TENM2: variants seen among roughly 807,000 people sequenced by gnomAD.
The protein encoded by TENM2 is teneurin transmembrane protein 2, also known as teneurin-2.
TENM2 carries 52 observed loss-of-function variants against 245.2 expected under a neutral mutation model. The ratio of observed to expected loss-of-function variants is 0.21; its 90% CI spans 0.17 to 0.27. The LOEUF (loss-of-function observed/expected upper bound fraction) is 0.27, where lower values mean the gene tolerates loss of function less well. Ranked by LOEUF, TENM2 falls within the 10% of genes least tolerant of loss-of-function variation. TENM2 has a pLI of 1.00. For synonymous variants in TENM2, 1,363 were observed against 1,438.9 expected (o/e 0.95, Z 1.19); for missense variants, 3,046 against 3,666.8 (o/e 0.83, Z 4.37).
intron 9 of TENM2, among the ~76,000 whole-genome samples, chr5:168,105,289 G>T (rs1041833861): frequency 1.3e-5 from 2 of 152,174 alleles, no homozygotes; most frequent in Non-Finnish European, 1.5e-5. Context: ...CAAGGGATTG[G>T]GTTCAGCCAG....
intron 3 of TENM2, among the ~76,000 whole-genome samples, chr5:167,884,328 T>TA (rs1774112849): frequency 6.6e-6 from 1 of 152,206 alleles, no homozygotes; most frequent in Non-Finnish European, 1.5e-5. Flanking sequence ...TTCACATTGT[T>TA]ATGCAACCAT....
At chr5:167,028,107 T>C in the TENM2 span, among the ~76,000 whole-genome samples, 1 of 149,996 alleles carries the variant, frequency 6.7e-6, no homozygotes, top group Non-Finnish European at 1.5e-5. Flanking sequence ...GTAGGTGGGA[T>C]GACACATTTA....
At chr5:167,348,046 TC>T (rs1758576419) in intron 1 of TENM2, among the ~76,000 whole-genome samples, 1 of 152,170 alleles carries the variant, frequency 6.6e-6, no homozygotes, top group African/African-American at 2.4e-5. Context: ...AAGGGAATGT[TC>T]CCATATGCCT....
intron 2 of TENM2, among the ~76,000 whole-genome samples, chr5:167,564,048 G>A (rs1582399441): frequency 6.6e-6 from 1 of 152,226 alleles, no homozygotes; most frequent in East Asian, 1.9e-4. Flanking sequence ...CTAAGTGTGG[G>A]GACCAAAAAG....
At position 168,247,060 on chromosome 5, in the gene TENM2, G is replaced by A. The variant is rs768211143; in HGVS notation, c.6121G>A (p.Gly2041Arg). Residue 2041 changes from glycine (G) to arginine (R), a missense_variant, in exon 27 of 29, where the codon GGG (glycine) becomes AGG (arginine). This residue lies in a region of TENM2 where 2,704 missense variants were observed against 3,331.9 expected (regional missense o/e 0.81). Transcript: ENST00000518659. This position sits in a 1 kb window ranked among gnomAD's most constrained non-coding sequence, Gnocchi z 7.8. Reference sequence around the variant, plus strand: ...CTACGACAGTACCGCCGTCACCTTCGGGTATGACGAGACCACTGGTGTCTT... The same window carrying A: ...CTACGACAGTACCGCCGTCACCTTCAGGTATGACGAGACCACTGGTGTCTT... 3 of 1,613,772 alleles carry A rather than the reference G, an allele frequency of 1.9e-6. No individual in the cohort carries two copies. Among genetic ancestry groups the A allele is most frequent in the Non-Finnish European group, 1.7e-6 (2 of 1,179,884 alleles).
intron 2 of TENM2, among the ~76,000 whole-genome samples, chr5:167,726,098 G>C (rs1452981860): frequency 6.6e-6 from 1 of 152,066 alleles, no homozygotes; most frequent in Non-Finnish European, 1.5e-5. Flanking sequence ...ATGACTATGG[G>C]GTTCCTCTTA....
the TENM2 span, among the ~76,000 whole-genome samples, chr5:167,162,171 C>CA: frequency 0.014 from 1,394 of 98,752 alleles, 5 homozygotes; most frequent in South Asian, 0.037. Flanking sequence ...GACTCCGTCT[C>CA]AAAAAAAAAA....
exon 11 of TENM2, chr5:168,124,851 T>G: frequency 6.2e-7 from 1 of 1,608,992 alleles, no homozygotes; most frequent in Non-Finnish European, 8.5e-7. Context: ...TTTTTTCAGT[T>G]GATTGCTTGG....
At chr5:167,196,512 G>GTGTATATATATATGTGTGTGTATATATA in the TENM2 span, among the ~76,000 whole-genome samples, 2 of 144,282 alleles carry the variant, frequency 1.4e-5, no homozygotes, top group African/African-American at 5.7e-5. Flanking sequence ...ATATATATGT[G>GTGTATATATATATGTGTGTGTATATATA]TGTGTATATA....
At chr5:167,583,942 A>T (rs935035418) in intron 2 of TENM2, among the ~76,000 whole-genome samples, 1 of 152,174 alleles carries the variant, frequency 6.6e-6, no homozygotes, top group African/African-American at 2.4e-5. Context: ...CCGAACATTA[A>T]ATGTCACCTC....
At chr5:167,535,064 G>A (rs1771760754) in intron 2 of TENM2, among the ~76,000 whole-genome samples, 1 of 152,090 alleles carries the variant, frequency 6.6e-6, no homozygotes, top group African/African-American at 2.4e-5. Context: ...TAAAACTTGT[G>A]TGAGTCCAAG....
At chr5:167,821,906 G>A (rs569119441) in intron 2 of TENM2, among the ~76,000 whole-genome samples, 7 of 152,156 alleles carry the variant, frequency 4.6e-5, no homozygotes, top group East Asian at 1.9e-4. Flanking sequence ...AAAGCCCCGC[G>A]TACTTCTCTC....
At chr5:167,513,257 G>A (rs9313382) in intron 2 of TENM2, among the ~76,000 whole-genome samples, 7,272 of 152,064 alleles carry the variant, frequency 0.048, 446 homozygotes, top group African/African-American at 0.14. Context: ...TTTTGAAAAG[G>A]CCTCTTTAAA....
At chr5:167,904,386 A>G (rs1775932164) in intron 3 of TENM2, among the ~76,000 whole-genome samples, 2 of 152,218 alleles carry the variant, frequency 1.3e-5, no homozygotes, top group African/African-American at 4.8e-5. Flanking sequence ...AGATAGTACA[A>G]CACTGCTTTC....
the TENM2 span, among the ~76,000 whole-genome samples, chr5:167,250,018 C>G: frequency 1.3e-5 from 2 of 152,094 alleles, no homozygotes; most frequent in African/African-American, 4.8e-5. Flanking sequence ...GTTTCTGTGC[C>G]CAAACATTAA....
At chr5:168,081,093 T>A (rs1791957148) in intron 7 of TENM2, among the ~76,000 whole-genome samples, 1 of 152,226 alleles carries the variant, frequency 6.6e-6, no homozygotes, top group Non-Finnish European at 1.5e-5. Context: ...CCTAAGCACT[T>A]GCATTATGAA....
At chr5:167,034,199 T>A in the TENM2 span, among the ~76,000 whole-genome samples, 3 of 152,222 alleles carry the variant, frequency 2.0e-5, no homozygotes, top group African/African-American at 7.2e-5. Flanking sequence ...ATGTACGGGC[T>A]TGAGGCATGA....
At chr5:167,222,447 A>T in the TENM2 span, among the ~76,000 whole-genome samples, 1 of 152,158 alleles carries the variant, frequency 6.6e-6, no homozygotes, top group African/African-American at 2.4e-5. Flanking sequence ...GCAAATTGTG[A>T]TTTATTATCA....
chr5:167,391,116 T>A (rs565830019), intron 2 of TENM2, among the ~76,000 whole-genome samples: 1 of 152,300 alleles, frequency 6.6e-6, no homozygotes, highest in Admixed American at 6.5e-5. Context: ...TAAGGTGCCA[T>A]GTCCTCTATG....
Sources: allele counts gnomAD v4.1 joint callset (sites outside exome capture counted in the v4.1 genomes callset), GRCh38; gene constraint gnomAD v4.1.1; regional missense constraint gnomAD v4.1.1; non-coding constraint Gnocchi (gnomAD v3.1); transcripts MANE v1.5; gene names NCBI Gene and HGNC (gene_info 2026-07-23, HGNC 2026-07-21).